Variants in CIB4 observed in about 807,000 individuals in gnomAD.
The protein encoded by CIB4 is calcium and integrin-binding family member 4.
A neutral mutation model predicts 25.8 loss-of-function variants in CIB4; 25 were observed. That is an observed-to-expected ratio of 0.97 (90% CI 0.71 to 1.35). The LOEUF (loss-of-function observed/expected upper bound fraction) is 1.35. Ranked by LOEUF, CIB4 falls within the 40% of genes most tolerant of loss-of-function variation. The probability of loss-of-function intolerance (pLI) is 0.00; values close to 1 mark genes in which losing one functional copy is unlikely to be tolerated. For synonymous variants in CIB4, 75 were observed against 81.4 expected (o/e 0.92, Z 0.42); for missense variants, 235 against 228.2 (o/e 1.03, Z -0.19).
intron 3 of CIB4, among the ~76,000 whole-genome samples, chr2:26,597,831 G>A (rs1668708556): frequency 6.6e-6 from 1 of 151,810 alleles, no homozygotes; most frequent in Non-Finnish European, 1.5e-5. Context: ...GGGAAGGGGA[G>A]GGACTCAGCC....
At chr2:26,591,350 C>T (rs113456470) in intron 4 of CIB4, among the ~76,000 whole-genome samples, 236 of 152,246 alleles carry the variant, frequency 1.6e-3, no homozygotes, top group Non-Finnish European at 2.9e-3. Flanking sequence ...ATGTGGGGGC[C>T]GGGGAGTCAT....
intron 3 of CIB4, among the ~76,000 whole-genome samples, chr2:26,601,505 C>T (rs1668788573): frequency 6.6e-6 from 1 of 151,494 alleles, no homozygotes; most frequent in South Asian, 2.1e-4. Flanking sequence ...CTACCTCACA[C>T]CATACACAAA....
chr2:26,586,808 G>A (rs1668461553), intron 4 of CIB4, among the ~76,000 whole-genome samples: 3 of 152,200 alleles, frequency 2.0e-5, no homozygotes, highest in Admixed American at 6.5e-5. Context: ...GCCAGCCTCC[G>A]TTGCTGCTAG....
At chr2:26,617,834 G>A (rs1372265869) in intron 3 of CIB4, among the ~76,000 whole-genome samples, 3 of 152,234 alleles carry the variant, frequency 2.0e-5, no homozygotes, top group Non-Finnish European at 4.4e-5. Flanking sequence ...GTGACAGCCA[G>A]GAGGTCAGGC....
intron 2 of CIB4, among the ~76,000 whole-genome samples, chr2:26,637,990 C>T (rs532116823): frequency 8.5e-5 from 13 of 152,296 alleles, no homozygotes; most frequent in South Asian, 4.2e-4. Context: ...TATGCAGTGG[C>T]GTCCCCAACC....
In CIB4 at chr2:26,595,184, C is replaced by A. The variant is rs201734017; in HGVS notation, c.320G>T (p.Arg107Leu). ...TCCCCCACAGCACCTACCATAGATG[C>A]GAAAGGCATACTCAATCTTCAGGCT... is the stretch of plus-strand genomic sequence containing the variant. ...CPSLKIEYAF[R>L]IYDFNENGFI... is the part of the protein sequence containing the mutation. Residue 107 changes from arginine to leucine, a missense_variant, in exon 4 of 7, where the codon CGC (arginine) becomes CTC (leucine). By Grantham distance (102) the Arg-to-Leu change is moderately radical. Coordinates refer to ENST00000288861, the MANE Select transcript of CIB4 (RefSeq NM_001029881.3). 1.2e-6 allele frequency: 2 copies of A among 1,609,238 alleles called. No individual in the cohort carries two copies. Among genetic ancestry groups the A allele is most frequent in the Non-Finnish European group, 1.7e-6 (2 of 1,175,952 alleles).
At chr2:26,619,277 G>A (rs1572563476) in intron 3 of CIB4, among the ~76,000 whole-genome samples, 1 of 152,166 alleles carries the variant, frequency 6.6e-6, no homozygotes, top group East Asian at 1.9e-4. Context: ...CTCCGGAGGT[G>A]CCTGGCTGCT....
intron 3 of CIB4, among the ~76,000 whole-genome samples, chr2:26,621,759 G>C (rs1669208801): frequency 6.6e-6 from 1 of 152,146 alleles, no homozygotes; most frequent in African/African-American, 2.4e-5. Context: ...CATGAAAGGA[G>C]ATCCCAAGGT....
chr2:26,591,637 G>A (rs940638364), intron 4 of CIB4, among the ~76,000 whole-genome samples: 1 of 152,216 alleles, frequency 6.6e-6, no homozygotes, highest in Admixed American at 6.5e-5. Context: ...ACCCCCTTGA[G>A]TGTGGGTGGG....
At chr2:26,586,791 T>G (rs1036761532) in intron 4 of CIB4, among the ~76,000 whole-genome samples, 1 of 152,192 alleles carries the variant, frequency 6.6e-6, no homozygotes, top group African/African-American at 2.4e-5. Flanking sequence ...AAACAATCAC[T>G]ACATTTGCCA....
chr2:26,628,178 G>A (rs758545451), intron 3 of CIB4, among the ~76,000 whole-genome samples: 1 of 152,214 alleles, frequency 6.6e-6, no homozygotes, highest in East Asian at 1.9e-4. Context: ...AAAATCTCAG[G>A]AGTGATTTTG....
rs1558554738 is a variant in CIB4, at chr2:26,589,045, T to TTCC, written c.329-5148_329-5147insGGA. Among the ~76,000 whole-genome samples the TTCC allele has an allele frequency of 7.3e-4, 35 of 47,830 alleles. 2 individuals carry two copies. The highest frequency in any genetic ancestry group is 2.0e-3 in the African/African-American group (23 of 11,450). The allele number at this position is 47,830 out of a possible 152,430, so 31.4% of individuals were successfully genotyped here. A position where few individuals can be genotyped will look rare whatever the true frequency, so the allele number is the denominator to read the frequency against. On this transcript the variant is annotated intron_variant, in intron 4 of 6. Coordinates refer to ENST00000288861, the MANE Select transcript of CIB4 (RefSeq NM_001029881.3). ...CTTCTTCTTCTTCTTCTTCTTCTTC[T>TTCC]TCTTCTTCTTCTTCCTCTTCCTCTT...
intron 2 of CIB4, among the ~76,000 whole-genome samples, chr2:26,631,182 A>G (rs1179618461): frequency 6.6e-6 from 1 of 152,180 alleles, no homozygotes; most frequent in Non-Finnish European, 1.5e-5. Context: ...AGGGACATGT[A>G]ACTAAGTGAA....
intron 3 of CIB4, among the ~76,000 whole-genome samples, chr2:26,617,032 TC>T: frequency 6.6e-6 from 1 of 151,734 alleles, no homozygotes; most frequent in Admixed American, 6.6e-5. Flanking sequence ...ACTCCCAGCC[TC>T]CCCCACTGCT....
At chr2:26,588,720 T>A (rs1018782393) in intron 4 of CIB4, among the ~76,000 whole-genome samples, 1 of 152,214 alleles carries the variant, frequency 6.6e-6, no homozygotes, top group Non-Finnish European at 1.5e-5. Flanking sequence ...TGGGAAGGTA[T>A]GGGGAGACCT....
At chr2:26,590,387 A>G (rs1304507473) in intron 4 of CIB4, among the ~76,000 whole-genome samples, 3 of 151,924 alleles carry the variant, frequency 2.0e-5, no homozygotes, top group African/African-American at 7.2e-5. Flanking sequence ...ATGCAGATTC[A>G]GATCCAGTGG....
chr2:26,633,948 G>T (rs1669483350), intron 2 of CIB4, among the ~76,000 whole-genome samples: 1 of 152,192 alleles, frequency 6.6e-6, no homozygotes, highest in Non-Finnish European at 1.5e-5. Context: ...GCTCCCTCCA[G>T]TTTAGGTATC....
intron 2 of CIB4, among the ~76,000 whole-genome samples, chr2:26,638,655 G>A (rs116412745): frequency 0.013 from 1,981 of 152,248 alleles, 54 homozygotes; most frequent in African/African-American, 0.045. Context: ...CTCACCCATC[G>A]AAGTTCTAAA....
intron 3 of CIB4, among the ~76,000 whole-genome samples, chr2:26,601,226 AAAAAAATATATATATATATATAT>A (rs1430068533): frequency 1.7e-5 from 1 of 57,166 alleles, no homozygotes; most frequent in Non-Finnish European, 3.5e-5. Context: ...TCAAAAAAAA[AAAAAAATATATATATATATATAT>A]ATATATATAT....
Sources: gnomAD v4.1 joint callset for allele counts (sites outside exome capture counted in the v4.1 genomes callset) on GRCh38, gnomAD v4.1.1 for gene constraint, MANE v1.5 for transcripts, NCBI Gene and HGNC (gene_info 2026-07-23, HGNC 2026-07-21) for gene names.